AGBL1: variants seen among roughly 807,000 people sequenced by gnomAD.
The protein encoded by AGBL1 is AGBL carboxypeptidase 1, also known as cytosolic carboxypeptidase 4.
Under a neutral mutation model 118.9 loss-of-function variants are expected in AGBL1, and 130 were observed. That is an observed-to-expected ratio of 1.09 (90% confidence interval 0.95 to 1.26). The LOEUF is 1.26. Ranked by LOEUF, AGBL1 falls within the 50% of genes most tolerant of loss-of-function variation. The pLI is 0.00. For missense variants in AGBL1, 1,584 were observed against 1,298.1 expected, an observed-to-expected ratio of 1.22 and a Z score of -3.38; for synonymous variants, 555 against 478.9, an observed-to-expected ratio of 1.16 and a Z score of -2.08.
chr15:86,406,276 G>A (rs2081529266), intron 18 of AGBL1, among the ~76,000 whole-genome samples: 1 of 152,110 alleles, frequency 6.6e-6, no homozygotes, highest in Non-Finnish European at 1.5e-5. Context: ...ACTGTCAAGG[G>A]CATCTGAGCA....
chr15:86,400,020 C>G (rs1463957328), intron 18 of AGBL1, among the ~76,000 whole-genome samples: 7 of 152,170 alleles, frequency 4.6e-5, no homozygotes, highest in Non-Finnish European at 1.0e-4. Flanking sequence ...TATGAAAAAA[C>G]TTGAGACTGC....
At chr15:86,957,008 T>C (rs1324939191) in intron 23 of AGBL1, among the ~76,000 whole-genome samples, 1 of 151,992 alleles carries the variant, frequency 6.6e-6, no homozygotes, top group African/African-American at 2.4e-5. Context: ...CAAAGGCAAT[T>C]GGGCACAAAA....
chr15:86,561,662 TTAAAG>T (rs2083823289), intron 21 of AGBL1, among the ~76,000 whole-genome samples: 1 of 152,188 alleles, frequency 6.6e-6, no homozygotes, highest in Admixed American at 6.5e-5. Context: ...TATATGAACT[TTAAAG>T]TAGTGTTTTC....
chr15:86,732,634 C>T (rs2077541261), intron 22 of AGBL1, among the ~76,000 whole-genome samples: 1 of 152,108 alleles, frequency 6.6e-6, no homozygotes, highest in African/African-American at 2.4e-5. Context: ...CACTTTTCCT[C>T]ATTTTGAAGG....
intron 22 of AGBL1, among the ~76,000 whole-genome samples, chr15:86,684,217 C>T (rs1334678465): frequency 6.6e-6 from 1 of 152,126 alleles, no homozygotes; most frequent in Non-Finnish European, 1.5e-5. Context: ...TTTGAAAGAT[C>T]ATGAGCTTAG....
At chr15:87,001,193 CT>C (rs1178496330) in intron 24 of AGBL1, among the ~76,000 whole-genome samples, 1 of 148,980 alleles carries the variant, frequency 6.7e-6, no homozygotes, top group Non-Finnish European at 1.5e-5. Context: ...ATTTGACTTC[CT>C]CTTTTCCTAA....
At chr15:86,884,141 C>G (rs1188077205) in intron 22 of AGBL1, among the ~76,000 whole-genome samples, 1 of 152,154 alleles carries the variant, frequency 6.6e-6, no homozygotes, top group Non-Finnish European at 1.5e-5. Flanking sequence ...TCAGAATCAC[C>G]AGCAACACTA....
chr15:86,503,660 A>G (rs900570046), intron 18 of AGBL1, among the ~76,000 whole-genome samples: 13 of 151,180 alleles, frequency 8.6e-5, no homozygotes, highest in African/African-American at 3.1e-4. Context: ...AGTATTTTCT[A>G]ATTTATATTG....
chr15:86,813,601 A>G (rs150396591), intron 22 of AGBL1, among the ~76,000 whole-genome samples: 5 of 152,038 alleles, frequency 3.3e-5, no homozygotes, highest in African/African-American at 1.2e-4. Context: ...TCTCAGGCCA[A>G]CAGACAGATC....
intron 8 of AGBL1, among the ~76,000 whole-genome samples, chr15:86,257,448 A>C (rs1459321146): frequency 1.3e-5 from 2 of 152,198 alleles, no homozygotes; most frequent in Non-Finnish European, 2.9e-5. Flanking sequence ...ATTATTATTT[A>C]ATCTCTGGGA....
chr15:86,157,970 C>T lies in AGBL1; in HGVS notation c.395-963C>T, dbSNP rs371338548. Among the ~76,000 whole-genome samples, 64 of 152,284 alleles carry T rather than the reference C, an allele frequency of 4.2e-4. 1 individual carries two copies. In the East Asian group the frequency reaches 0.011, roughly 26 times the overall value. ...TCAGTGCTTTTAAAATTAACTCCTC[C>T]CTTACTCAATACCAGAATTTTTTTT... is the stretch of plus-strand genomic sequence containing the variant. On this transcript the variant is annotated intron_variant, in intron 4 of 22. Coordinates refer to ENST00000614907, the MANE Select transcript of AGBL1 (RefSeq NM_001386094.1).
At chr15:86,306,479 C>A (rs1283137350) in intron 17 of AGBL1, among the ~76,000 whole-genome samples, 3 of 152,166 alleles carry the variant, frequency 2.0e-5, no homozygotes, top group African/African-American at 7.2e-5. Context: ...CATGTTGTTG[C>A]AAATGACTGA....
At chr15:86,629,510 C>A (rs979566098) in intron 21 of AGBL1, among the ~76,000 whole-genome samples, 22 of 152,130 alleles carry the variant, frequency 1.4e-4, no homozygotes, top group Non-Finnish European at 2.8e-4. Context: ...AGCACTCAAA[C>A]CCCACACATT....
chr15:86,533,628 C>G (rs1428551442), intron 19 of AGBL1, among the ~76,000 whole-genome samples: 1 of 134,768 alleles, frequency 7.4e-6, no homozygotes, highest in African/African-American at 3.1e-5. Flanking sequence ...ACCCAAATGA[C>G]TATAAATCAT....
At chr15:86,987,453 G>T (rs1007610278) in intron 23 of AGBL1, among the ~76,000 whole-genome samples, 1 of 152,170 alleles carries the variant, frequency 6.6e-6, no homozygotes, top group African/African-American at 2.4e-5. Context: ...AAATAAGACA[G>T]TTTATTTCCA....
intron 1 of AGBL1, among the ~76,000 whole-genome samples, chr15:86,104,736 T>C (rs1896936526): frequency 6.6e-6 from 1 of 152,242 alleles, no homozygotes; most frequent in East Asian, 1.9e-4. Context: ...CAGGATGCAG[T>C]CTGGTGAGGG....
chr15:86,701,317 G>A (rs1389664110), intron 22 of AGBL1, among the ~76,000 whole-genome samples: 1 of 151,994 alleles, frequency 6.6e-6, no homozygotes, highest in East Asian at 1.9e-4. Flanking sequence ...GAGGGGAGGT[G>A]AAGGGTGAAA....
At chr15:86,367,668 T>G (rs2080910750) in intron 17 of AGBL1, among the ~76,000 whole-genome samples, 1 of 152,114 alleles carries the variant, frequency 6.6e-6, no homozygotes, top group African/African-American at 2.4e-5. Flanking sequence ...CTAAGATATG[T>G]AATCCGTAGT....
rs576039884 is a variant in AGBL1, at chr15:86,472,269, C to T, written c.2556-50541C>T. Among the ~76,000 whole-genome samples, 42 of 152,324 alleles carry T rather than the reference C, an allele frequency of 2.8e-4. No individual in the cohort carries two copies. In the South Asian group the frequency reaches 7.2e-3, roughly 26 times the overall value. The stretch of plus-strand genomic sequence containing the variant: ...GACTAGAGGATTCATATCAGAAAGA[C>T]AAAGTGACAAAGTTCATGGGCTTTG... On this transcript the variant is annotated intron_variant, in intron 18 of 22. Coordinates refer to ENST00000614907, the MANE Select transcript of AGBL1 (RefSeq NM_001386094.1).
Sources: gnomAD v4.1 joint callset for allele counts (sites outside exome capture counted in the v4.1 genomes callset) on GRCh38, gnomAD v4.1.1 for gene constraint, MANE v1.5 for transcripts, NCBI Gene and HGNC (gene_info 2026-07-23, HGNC 2026-07-21) for gene names.